IFIT3: variants seen among roughly 807,000 people sequenced by gnomAD.
IFIT3 encodes the protein interferon-induced protein with tetratricopeptide repeats 3.
A neutral mutation model predicts 2.4 loss-of-function variants in IFIT3; 2 were observed. The observed-to-expected ratio is 0.82, with a 90% confidence interval of 0.34 to 2.60. The LOEUF (loss-of-function observed/expected upper bound fraction) is 2.60. IFIT3 is among the 30% of genes most tolerant of loss of function. IFIT3 has a pLI of 0.11. For missense variants in IFIT3, 481 were observed against 562.4 expected, an observed-to-expected ratio of 0.86 and a Z score of 1.46; for synonymous variants, 203 against 212.1, an observed-to-expected ratio of 0.96 and a Z score of 0.37.
In IFIT3 at chr10:89,331,280, C is replaced by T. The variant is rs553556718; in HGVS notation, c.5+3202C>T. ...CTCAGACTCCTGGGCTCAAGGGATT[C>T]TCCCACCCAGCCTCCCAAGTAGCTG... On this transcript the variant is annotated intron_variant, in intron 1 of 1. Transcript: ENST00000371818. Among the ~76,000 whole-genome samples the T allele has an allele frequency of 1.6e-4, 25 of 152,228 alleles. No homozygotes were observed. The South Asian group carries it at 5.0e-3, about 30-fold the overall frequency.
In IFIT3 at chr10:89,339,985, C is replaced by A. The variant is rs113402097; in HGVS notation, c.1330C>A (p.Arg444Ser). ...AAKCYEKELGRLLRDAPSGIG... is the reference protein window; with the variant it reads ...AAKCYEKELGSLLRDAPSGIG... ...CAAATGTTATGAGAAGGAACTGGGCCGCCTGCTAAGGGATGCCCCTTCAGG... is the reference window on the plus strand; with the variant it reads ...CAAATGTTATGAGAAGGAACTGGGCAGCCTGCTAAGGGATGCCCCTTCAGG... The change falls in exon 2 of 2, where the codon CGC becomes AGC. Residue 444 changes from arginine to serine, a missense_variant. Transcript: ENST00000371818. The A allele has an allele frequency of 8.7e-6, 14 of 1,614,190 alleles. No homozygotes were observed. The highest frequency in any genetic ancestry group is 6.7e-5 in the African/African-American group (5 of 75,056).
chr10:89,338,942 C>T lies in IFIT3; in HGVS notation c.287C>T (p.Thr96Ile). 1 of 1,614,146 alleles carries T rather than the reference C, an allele frequency of 6.2e-7. No homozygotes were observed. The highest frequency in any genetic ancestry group is 8.5e-7 in the Non-Finnish European group (1 of 1,180,018). The change falls in exon 2 of 2, where the codon ACT (threonine) becomes ATT (isoleucine). Residue 96 changes from threonine to isoleucine, a missense_variant. Coordinates refer to ENST00000371818, the MANE Select transcript of IFIT3 (RefSeq NM_001549.6). ...ADQAEIRSLV[T>I]WGNYAWVYYH... ...CAAGCAGAAATCAGAAGTCTAGTCACTTGGGGAAACTACGCCTGGGTCTAC... is the reference window on the plus strand; with the variant it reads ...CAAGCAGAAATCAGAAGTCTAGTCATTTGGGGAAACTACGCCTGGGTCTAC...
In IFIT3 at chr10:89,339,252, C is replaced by T. The variant is rs1182418898; in HGVS notation, c.597C>T (p.Ala199=). ...KQFSTDVLKQ[A]IELSPDNQYV... ...TCTCTACTGATGTTTTGAAGCAGGC[C>T]ATTGAGCTGAGTCCTGATAACCAAT... Residue 199 remains alanine (A), a synonymous_variant, in exon 2 of 2, where the codon GCC becomes GCT. Transcript: ENST00000371818. The T allele has an allele frequency of 1.9e-6, 3 of 1,614,182 alleles. No individual in the cohort carries two copies. The East Asian group carries it at 6.7e-5, about 36-fold the overall frequency.
At position 89,336,647 on chromosome 10, in the gene IFIT3, T is replaced by G. The variant is rs59360847; in HGVS notation, c.6-2014T>G. 9.1e-3 allele frequency among the ~76,000 whole-genome samples: 1,385 copies of G among 152,356 alleles called. 20 individuals are homozygous for G. Among genetic ancestry groups the G allele is most frequent in the African/African-American group, 0.032 (1,329 of 41,578 alleles). On this transcript the variant is annotated intron_variant, in intron 1 of 1. Coordinates refer to ENST00000371818, the MANE Select transcript of IFIT3 (RefSeq NM_001549.6). Reference sequence around the variant, plus strand: ...GTTTATTCTGAGATTACTTTTTCAGTGGCAAGGAAAATTCTTTCTTTTCTA... The same window carrying G: ...GTTTATTCTGAGATTACTTTTTCAGGGGCAAGGAAAATTCTTTCTTTTCTA...
In IFIT3 at chr10:89,328,088, A is replaced by G. The variant is rs1843616277; in HGVS notation, c.5+10A>G. The G allele has an allele frequency of 9.9e-6, 16 of 1,613,484 alleles. No individual in the cohort carries two copies. In the East Asian group the frequency reaches 1.3e-4, roughly 13 times the overall value. On this transcript the variant is annotated intron_variant, in intron 1 of 1. Coordinates refer to ENST00000371818, the MANE Select transcript of IFIT3 (RefSeq NM_001549.6). ...AGAGGGCAGTCATGAGGTCAGTGAA[A>G]TAAGAATGCATAATCATGCTTGTTT...
At chr10:89,332,503 A>G (rs1315502047) in intron 1 of IFIT3, 2 of 1,583,256 alleles carry the variant, frequency 1.3e-6, no homozygotes, top group Non-Finnish European at 8.6e-7. Flanking sequence ...CCCTTTCATA[A>G]AAGCACAGAC....
rs138160491 is a variant in IFIT3, at chr10:89,328,643, G to A, written c.5+565G>A. Among the ~76,000 whole-genome samples the A allele has an allele frequency of 2.7e-3, 406 of 152,278 alleles. 1 individual carries two copies. The highest frequency in any genetic ancestry group is 0.01 in the Middle Eastern group (3 of 294). On this transcript the variant is annotated intron_variant, in intron 1 of 1. Transcript: ENST00000371818. Reference sequence around the variant, plus strand: ...CATTACTTTAAGGTGGGAAGTGGAAGAAACAATTCTTACAAATGGGCATTT... The same window carrying A: ...CATTACTTTAAGGTGGGAAGTGGAAAAAACAATTCTTACAAATGGGCATTT...
chr10:89,332,429 A>T, intron 1 of IFIT3: 1 of 1,365,950 alleles, frequency 7.3e-7, no homozygotes, highest in Non-Finnish European at 9.7e-7. Flanking sequence ...GTTCTCACAG[A>T]TTCTGTTTCA....
At chr10:89,333,767 T>A (rs1360759736) in intron 1 of IFIT3, among the ~76,000 whole-genome samples, 2 of 152,212 alleles carry the variant, frequency 1.3e-5, no homozygotes, top group Non-Finnish European at 2.9e-5. Context: ...AAAAGGGAAG[T>A]CTTCCCAGAG....
In IFIT3 at chr10:89,338,665, G is replaced by T. The variant is rs764070416; in HGVS notation, c.10G>T (p.Val4Phe). 3.1e-6 allele frequency: 5 copies of T among 1,610,390 alleles called. No homozygotes were observed. The highest frequency in any genetic ancestry group is 4.5e-5 in the East Asian group (2 of 44,828). MSE[V>F]TKNSLEKILP... is the part of the protein sequence containing the mutation. ...CCATGTTTATTTTCTCCACAGTGAGGTCACCAAGAATTCCCTGGAGAAAAT... is the reference window on the plus strand; with the variant it reads ...CCATGTTTATTTTCTCCACAGTGAGTTCACCAAGAATTCCCTGGAGAAAAT... Residue 4 changes from valine (V) to phenylalanine (F), a missense_variant, in exon 2 of 2, where the codon GTC becomes TTC. Coordinates refer to ENST00000371818, the MANE Select transcript of IFIT3 (RefSeq NM_001549.6).
intron 1 of IFIT3, among the ~76,000 whole-genome samples, chr10:89,328,520 T>C (rs1247765442): frequency 6.6e-6 from 1 of 152,184 alleles, no homozygotes; most frequent in Non-Finnish European, 1.5e-5. Flanking sequence ...TTTCTTGTAA[T>C]TTTAAAAGGA....
At chr10:89,328,337 A>G (rs1490299333) in intron 1 of IFIT3, among the ~76,000 whole-genome samples, 3 of 152,140 alleles carry the variant, frequency 2.0e-5, no homozygotes, top group African/African-American at 7.2e-5. Context: ...GCATCAGCTC[A>G]TGTTTCCTCC....
intron 1 of IFIT3, among the ~76,000 whole-genome samples, chr10:89,328,298 A>G (rs1269516203): frequency 1.3e-5 from 2 of 152,090 alleles, no homozygotes; most frequent in African/African-American, 4.8e-5. Context: ...TCCCTACGGA[A>G]CTACATGGGG....
intron 1 of IFIT3, chr10:89,332,337 C>A (rs1843662639): frequency 1.7e-6 from 1 of 587,164 alleles, no homozygotes; most frequent in Non-Finnish European, 2.7e-6. Context: ...ATTTTATTTT[C>A]TTTTTACAGT....
intron 1 of IFIT3, chr10:89,332,543 A>G: frequency 1.2e-6 from 2 of 1,613,462 alleles, no homozygotes; most frequent in South Asian, 1.1e-5. Flanking sequence ...AAACCTCTTC[A>G]GCATTTGCTT....
At position 89,339,099 on chromosome 10, in the gene IFIT3, G is replaced by A. The variant is rs1930054; in HGVS notation, c.444G>A (p.Lys148=). 1 of 1,614,074 alleles carries A rather than the reference G, an allele frequency of 6.2e-7. No homozygotes were observed. Among genetic ancestry groups the A allele is most frequent in the Middle Eastern group, 1.6e-4 (1 of 6,062 alleles). ...LDCEEGWTQL[K]CGRNERAKVC... is the part of the protein sequence containing the mutation. ...GTGAGGAAGGGTGGACACAACTGAAGTGTGGAAGAAATGAAAGGGCGAAGG... is the reference window on the plus strand; with the variant it reads ...GTGAGGAAGGGTGGACACAACTGAAATGTGGAAGAAATGAAAGGGCGAAGG... The change falls in exon 2 of 2, where the codon AAG becomes AAA. Residue 148 remains lysine, a synonymous_variant. Coordinates refer to ENST00000371818, the MANE Select transcript of IFIT3 (RefSeq NM_001549.6).
At chr10:89,329,170 G>C (rs1238391466) in intron 1 of IFIT3, among the ~76,000 whole-genome samples, 1 of 152,156 alleles carries the variant, frequency 6.6e-6, no homozygotes, top group Non-Finnish European at 1.5e-5. Context: ...CGACCATTCA[G>C]GGGGGCAGAA....
At chr10:89,329,855 G>A (rs1395460107) in intron 1 of IFIT3, among the ~76,000 whole-genome samples, 4 of 152,114 alleles carry the variant, frequency 2.6e-5, no homozygotes, top group Non-Finnish European at 5.9e-5. Context: ...GGTGGGCTGA[G>A]TCCGAAAAGA....
intron 1 of IFIT3, among the ~76,000 whole-genome samples, chr10:89,337,091 G>A (rs11203075): frequency 0.062 from 9,433 of 152,262 alleles, 702 homozygotes; most frequent in African/African-American, 0.18. Context: ...GACTACTTCA[G>A]TCAGACTCAA....
Sources: allele counts gnomAD v4.1 joint callset (sites outside exome capture counted in the v4.1 genomes callset), GRCh38; gene constraint gnomAD v4.1.1; transcripts MANE v1.5; gene names NCBI Gene and HGNC (gene_info 2026-07-23, HGNC 2026-07-21).